Variants in SHTN1 observed in about 807,000 individuals in gnomAD.
SHTN1 encodes the protein shootin-1.
SHTN1 carries 42 observed loss-of-function variants against 83.1 expected under a neutral mutation model. The ratio of observed to expected loss-of-function variants is 0.51; its 90% CI spans 0.39 to 0.65. SHTN1 has a LOEUF of 0.65. SHTN1 is among the 30% of genes least tolerant of loss of function. The pLI, the probability that SHTN1 is intolerant of heterozygous loss-of-function variation, is 0.00. For missense variants in SHTN1, 622 were observed against 737.8 expected (o/e 0.84, Z 1.82); for synonymous variants, 224 against 247.7 (o/e 0.90, Z 0.90).
chr10:117,092,725 T>C (rs533298906), intron 1 of SHTN1, among the ~76,000 whole-genome samples: 4 of 152,298 alleles, frequency 2.6e-5, no homozygotes, highest in Middle Eastern at 3.4e-3. Flanking sequence ...CTGGAGAAGC[T>C]TGGACTTATT....
At chr10:116,937,186 T>A (rs2133390157) in intron 9 of SHTN1, among the ~76,000 whole-genome samples, 1 of 152,348 alleles carries the variant, frequency 6.6e-6, no homozygotes, top group Middle Eastern at 3.4e-3. Context: ...TTGTTATGTG[T>A]GAATTTGATC....
chr10:116,899,621 T>C (rs1217867295), intron 16 of SHTN1, among the ~76,000 whole-genome samples: 3 of 151,476 alleles, frequency 2.0e-5, no homozygotes, highest in Non-Finnish European at 2.9e-5. Flanking sequence ...CATCCTCCCT[T>C]GACCTTGATT....
chr10:117,048,381 A>T (rs1852697320), intron 2 of SHTN1: 18 of 539,856 alleles, frequency 3.3e-5, no homozygotes, highest in Non-Finnish European at 4.3e-5. Flanking sequence ...AATTCTAGAT[A>T]GGAAAGATTC....
At chr10:116,956,840 T>C (rs10749230) in intron 4 of SHTN1, among the ~76,000 whole-genome samples, 136,832 of 152,182 alleles carry the variant, frequency 0.9, 63,209 homozygotes, top group East Asian at 1. Flanking sequence ...AATCAGAAAA[T>C]TTCATAATCC....
At chr10:116,978,120 A>G (rs1019718788) in intron 2 of SHTN1, among the ~76,000 whole-genome samples, 2 of 152,214 alleles carry the variant, frequency 1.3e-5, no homozygotes, top group African/African-American at 4.8e-5. Context: ...GGTGAAAAAT[A>G]ATGATCTAAA....
intron 1 of SHTN1, among the ~76,000 whole-genome samples, chr10:117,004,094 T>A (rs1409845723): frequency 1.3e-5 from 2 of 151,878 alleles, no homozygotes; most frequent in African/African-American, 4.8e-5. Context: ...TCCATGTTGG[T>A]TAGGCTGGTC....
intron 1 of SHTN1, among the ~76,000 whole-genome samples, chr10:117,086,581 C>T (rs1042557431): frequency 1.3e-5 from 2 of 152,108 alleles, no homozygotes; most frequent in Non-Finnish European, 2.9e-5. Context: ...ATAGTCCTAC[C>T]TTCTCTTAGC....
At chr10:117,105,843 C>A (rs1410916568) in intron 1 of SHTN1, among the ~76,000 whole-genome samples, 1 of 152,014 alleles carries the variant, frequency 6.6e-6, no homozygotes, top group Non-Finnish European at 1.5e-5. Flanking sequence ...CATAGTGAAA[C>A]CCTGTCTCTA....
At chr10:117,017,018 A>G (rs982557564) in intron 2 of SHTN1, among the ~76,000 whole-genome samples, 3 of 152,164 alleles carry the variant, frequency 2.0e-5, no homozygotes, top group African/African-American at 7.2e-5. Flanking sequence ...AGAAAGAATC[A>G]GGGCTCTTTT....
intron 8 of SHTN1, among the ~76,000 whole-genome samples, chr10:116,943,612 G>A (rs917195439): frequency 1.2e-4 from 18 of 152,090 alleles, no homozygotes; most frequent in South Asian, 2.1e-4. Flanking sequence ...TAAATAAAAC[G>A]AATCATAATA....
intron 1 of SHTN1, among the ~76,000 whole-genome samples, chr10:117,084,912 C>T (rs1038503292): frequency 6.6e-6 from 1 of 151,672 alleles, no homozygotes; most frequent in African/African-American, 2.4e-5. Context: ...CGGTGCGCGC[C>T]CCCACTGACC....
intron 2 of SHTN1, among the ~76,000 whole-genome samples, chr10:117,028,474 C>T (rs1272398157): frequency 1.3e-5 from 2 of 152,172 alleles, no homozygotes; most frequent in Non-Finnish European, 2.9e-5. Flanking sequence ...GCCTCAAAGG[C>T]ATTTCAGAGA....
chr10:116,952,644 T>C (rs1335134941), intron 5 of SHTN1, among the ~76,000 whole-genome samples: 3 of 152,202 alleles, frequency 2.0e-5, no homozygotes, highest in Non-Finnish European at 2.9e-5. Flanking sequence ...TTATCAACTG[T>C]AAGCGCAAAA....
At chr10:117,104,704 G>A (rs973882960) in intron 1 of SHTN1, among the ~76,000 whole-genome samples, 1 of 152,156 alleles carries the variant, frequency 6.6e-6, no homozygotes, top group Non-Finnish European at 1.5e-5. Flanking sequence ...AACCGGGGAG[G>A]CGGAGCTTGC....
At chr10:117,056,667 C>G (rs777611551) in intron 1 of SHTN1, among the ~76,000 whole-genome samples, 1 of 151,866 alleles carries the variant, frequency 6.6e-6, no homozygotes, top group African/African-American at 2.4e-5. Context: ...AAAGATTAGC[C>G]GGGCATGGTG....
At chr10:117,106,302 A>G (rs1467235623) in intron 1 of SHTN1, among the ~76,000 whole-genome samples, 3 of 151,980 alleles carry the variant, frequency 2.0e-5, no homozygotes, top group African/African-American at 7.3e-5. Context: ...TAAAAATACA[A>G]AAATTAGTTG....
chr10:117,070,743 T>A (rs1225967961), intron 1 of SHTN1, among the ~76,000 whole-genome samples: 2 of 150,998 alleles, frequency 1.3e-5, no homozygotes, highest in East Asian at 2.0e-4. Flanking sequence ...TGGCGGTAAA[T>A]CTTCCTCTTG....
intron 2 of SHTN1, among the ~76,000 whole-genome samples, chr10:117,025,436 G>C (rs1395955535): frequency 2.6e-5 from 4 of 152,178 alleles, no homozygotes; most frequent in Non-Finnish European, 5.9e-5. Flanking sequence ...AGTGCTCTGG[G>C]ACCCTACATA....
At chr10:117,120,658 C>T (rs932928014) in intron 1 of SHTN1, among the ~76,000 whole-genome samples, 2 of 152,094 alleles carry the variant, frequency 1.3e-5, no homozygotes, top group African/African-American at 4.8e-5. Context: ...AAAGTAAAAA[C>T]AACAAATCTA....
Sources: gnomAD v4.1 joint callset for allele counts (sites outside exome capture counted in the v4.1 genomes callset) on GRCh38, gnomAD v4.1.1 for gene constraint, MANE v1.5 for transcripts, NCBI Gene and HGNC (gene_info 2026-07-23, HGNC 2026-07-21) for gene names.